The following VKORC1L1 variants were observed in gnomAD, a reference collection of about 807,000 sequenced individuals.
VKORC1L1 encodes vitamin K epoxide reductase complex subunit 1-like protein 1.
VKORC1L1 carries 2 observed loss-of-function variants against 18.9 expected under a neutral mutation model. The ratio of observed to expected loss-of-function variants is 0.11; its 90% CI spans 0.04 to 0.33. The LOEUF (loss-of-function observed/expected upper bound fraction) is 0.33. Ranked by LOEUF, VKORC1L1 falls within the 10% of genes least tolerant of loss-of-function variation. VKORC1L1 has a pLI of 1.00. For missense variants in VKORC1L1, 123 were observed against 224.1 expected (o/e 0.55, Z 2.88); for synonymous variants, 96 against 100.0 (o/e 0.96, Z 0.24).
chr7:65,933,313 T>C (rs1789888716), intron 1 of VKORC1L1, among the ~76,000 whole-genome samples: 2 of 152,150 alleles, frequency 1.3e-5, no homozygotes, highest in African/African-American at 4.8e-5. Context: ...AGTTCTCTTA[T>C]TAGATTTCTG....
At chr7:65,927,456 C>G (rs1789784699) in intron 1 of VKORC1L1, among the ~76,000 whole-genome samples, 1 of 152,198 alleles carries the variant, frequency 6.6e-6, no homozygotes, top group South Asian at 2.1e-4. Flanking sequence ...CCAATAACCT[C>G]TTGTACCTGT....
chr7:65,893,563 A>G (rs777250952), intron 1 of VKORC1L1, among the ~76,000 whole-genome samples: 2 of 152,164 alleles, frequency 1.3e-5, no homozygotes, highest in Admixed American at 6.5e-5. Context: ...AAATAAATAA[A>G]TAAATTTCCT....
At chr7:65,899,816 A>G (rs1285320953) in intron 1 of VKORC1L1, among the ~76,000 whole-genome samples, 1 of 151,892 alleles carries the variant, frequency 6.6e-6, no homozygotes, top group Non-Finnish European at 1.5e-5. Context: ...CCTGACCAAC[A>G]TGGAGAAACC....
intron 1 of VKORC1L1, among the ~76,000 whole-genome samples, chr7:65,908,836 CAAA>C (rs5884577): frequency 3.8e-5 from 4 of 104,942 alleles, no homozygotes; most frequent in Admixed American, 1.0e-4. Context: ...GACTCCATCT[CAAA>C]AAAAAAAAAA....
chr7:65,912,841 T>G (rs779939356), intron 1 of VKORC1L1, among the ~76,000 whole-genome samples: 3 of 152,178 alleles, frequency 2.0e-5, no homozygotes, highest in Non-Finnish European at 2.9e-5. Context: ...TATTAATAGA[T>G]TCAATCATAA....
chr7:65,873,618 G>A, intron 1 of VKORC1L1, 53 bp downstream of exon 1: 1 of 1,409,264 alleles, frequency 7.1e-7, no homozygotes, highest in Non-Finnish European at 9.3e-7. Flanking sequence ...CGAGGGTGGA[G>A]TCTCGGGGTG....
chr7:65,885,679 C>G (rs966643678), intron 1 of VKORC1L1, among the ~76,000 whole-genome samples: 1 of 152,008 alleles, frequency 6.6e-6, no homozygotes, highest in Non-Finnish European at 1.5e-5. Context: ...TCAAATGCCA[C>G]AAGGCTTTTC....
At chr7:65,873,053 G>A (rs1239224520), upstream of VKORC1L1, among the ~76,000 whole-genome samples, 8 of 139,152 alleles carry the variant, frequency 5.7e-5, no homozygotes, top group Non-Finnish European at 1.1e-4. Flanking sequence ...CCGGCCGCGC[G>A]GCGCAGCGCC....
intron 1 of VKORC1L1, among the ~76,000 whole-genome samples, chr7:65,938,362 C>T (rs1789980780): frequency 2.0e-5 from 3 of 151,888 alleles, no homozygotes; most frequent in Non-Finnish European, 4.4e-5. Context: ...ATGGTAATCT[C>T]CTAGAAATGG....
At position 65,956,167 on chromosome 7, in the gene VKORC1L1, G is replaced by T. The variant is rs972445663; in HGVS notation, c.*1867G>T. The T allele has an allele frequency of 6.6e-6, 1 of 152,178 alleles. No individual in the cohort carries two copies. The highest frequency in any genetic ancestry group is 1.5e-5 in the Non-Finnish European group (1 of 68,046). The allele number at this position is 152,178 out of a possible 1,614,324, so 9.4% of individuals were successfully genotyped here. A position where few individuals can be genotyped will look rare whatever the true frequency, so the allele number is the denominator to read the frequency against. ...AAAGAACTCTAGAAAGTACTGATTG[G>T]CCATCTGGTGTCTATGGAGAAAGAA... On this transcript the variant is annotated 3_prime_UTR_variant, in exon 3 of 3. Transcript: ENST00000360768.
At chr7:65,871,322 A>G (rs1024318240), upstream of VKORC1L1, among the ~76,000 whole-genome samples, 5 of 152,046 alleles carry the variant, frequency 3.3e-5, no homozygotes, top group African/African-American at 1.2e-4. Flanking sequence ...CAGCTTCCCA[A>G]GTAGCTGGGT....
intron 1 of VKORC1L1, among the ~76,000 whole-genome samples, chr7:65,925,013 C>A (rs1002108944): frequency 6.6e-6 from 1 of 152,132 alleles, no homozygotes; most frequent in Non-Finnish European, 1.5e-5. Flanking sequence ...CCTAGTACTC[C>A]ATCCGTAATC....
chr7:65,927,176 A>G (rs1210290788), intron 1 of VKORC1L1, among the ~76,000 whole-genome samples: 1 of 152,260 alleles, frequency 6.6e-6, no homozygotes, highest in African/African-American at 2.4e-5. Flanking sequence ...AGTCCCAGCT[A>G]CTTGGGAGGC....
At chr7:65,900,158 G>A (rs1000790755) in intron 1 of VKORC1L1, among the ~76,000 whole-genome samples, 3 of 151,902 alleles carry the variant, frequency 2.0e-5, no homozygotes, top group African/African-American at 7.2e-5. Flanking sequence ...GGGAGGCTGA[G>A]GTGGGCAGAT....
intron 1 of VKORC1L1, among the ~76,000 whole-genome samples, chr7:65,933,381 C>G (rs1395564870): frequency 1.3e-5 from 2 of 151,946 alleles, no homozygotes; most frequent in Non-Finnish European, 2.9e-5. Flanking sequence ...TTATATGTCT[C>G]TTTCTTCTCT....
At chr7:65,931,976 G>A (rs749880371) in intron 1 of VKORC1L1, among the ~76,000 whole-genome samples, 5 of 152,080 alleles carry the variant, frequency 3.3e-5, no homozygotes, top group Admixed American at 6.6e-5. Context: ...CAAAGAACCA[G>A]CCTTTGGTTT....
intron 1 of VKORC1L1, among the ~76,000 whole-genome samples, chr7:65,924,718 G>A (rs1789732341): frequency 6.6e-6 from 1 of 152,168 alleles, no homozygotes; most frequent in African/African-American, 2.4e-5. Context: ...TATGTGACAC[G>A]TGGTCTTCAA....
At chr7:65,933,769 T>C (rs888334273) in intron 1 of VKORC1L1, among the ~76,000 whole-genome samples, 1 of 152,178 alleles carries the variant, frequency 6.6e-6, no homozygotes, top group African/African-American at 2.4e-5. Context: ...CTTTTAGATA[T>C]TGGTATTTTT....
chr7:65,891,000 T>C (rs1404500142), intron 1 of VKORC1L1, among the ~76,000 whole-genome samples: 1 of 152,192 alleles, frequency 6.6e-6, no homozygotes, highest in Non-Finnish European at 1.5e-5. Context: ...CTGTTTTGAC[T>C]TTGGCCACTA....
Sources: allele counts gnomAD v4.1 joint callset (sites outside exome capture counted in the v4.1 genomes callset), GRCh38; gene constraint gnomAD v4.1.1; transcripts MANE v1.5; gene names NCBI Gene and HGNC (gene_info 2026-07-23, HGNC 2026-07-21).